The following TSPAN8 variants were observed in gnomAD, a reference collection of about 807,000 sequenced individuals.
The protein encoded by TSPAN8 is tetraspanin-8.
Under a neutral mutation model 32.8 loss-of-function variants are expected in TSPAN8, and 21 were observed. That is an observed-to-expected ratio of 0.64 (90% confidence interval 0.45 to 0.92). The LOEUF is 0.92. TSPAN8 is among the 40% of genes least tolerant of loss of function. The pLI is 0.00. For synonymous variants in TSPAN8, 95 were observed against 94.6 expected (o/e 1.00, Z -0.03); for missense variants, 269 against 281.9 (o/e 0.95, Z 0.33).
intron 2 of TSPAN8, among the ~76,000 whole-genome samples, chr12:71,151,675 T>C (rs1872259999): frequency 1.3e-5 from 2 of 152,134 alleles, no homozygotes; most frequent in Admixed American, 6.5e-5. Flanking sequence ...CTGGGAAAAA[T>C]ACAAATGACA....
At chr12:71,136,673 CA>C (rs2137050554) in intron 6 of TSPAN8, among the ~76,000 whole-genome samples, 1 of 152,238 alleles carries the variant, frequency 6.6e-6, no homozygotes, top group East Asian at 1.9e-4. Flanking sequence ...AGAAGACCTT[CA>C]ATGCCTACCC....
In TSPAN8 at chr12:71,142,207, C is replaced by T. The variant is rs1871923564; in HGVS notation, c.123+1944G>A. Among the ~76,000 whole-genome samples the T allele has an allele frequency of 2.0e-5, 3 of 152,272 alleles. No homozygotes were observed. The East Asian group carries it at 5.8e-4, about 29-fold the overall frequency. On this transcript the variant is annotated intron_variant, in intron 3 of 8. Transcript: ENST00000247829. Reference sequence around the variant, plus strand: ...CTGGTTAATGTTGTCCTGGCAGACACTGGCTTTTGTTCAGTGTGAGAGGCT... The same window carrying T: ...CTGGTTAATGTTGTCCTGGCAGACATTGGCTTTTGTTCAGTGTGAGAGGCT...
At chr12:71,139,372 G>T in intron 4 of TSPAN8, 1 of 459,882 alleles carries the variant, frequency 2.2e-6, no homozygotes, top group Non-Finnish European at 4.0e-6. Context: ...TCCCACTGTA[G>T]CTATTTGCTT....
At chr12:71,134,527 G>GT (rs1345994475) in intron 6 of TSPAN8, among the ~76,000 whole-genome samples, 7 of 152,192 alleles carry the variant, frequency 4.6e-5, no homozygotes, top group Admixed American at 2.0e-4. Context: ...CTCAACAGAT[G>GT]TTTATATGAC....
Position 71,132,749 on chromosome 12 carries a change from A to G in TSPAN8, c.520T>C (p.Cys174Arg). ...TGGCATGGTCTCTGCTTATCTAGAC[A>G]GGCACATAATTCAGGATAGTGTTGA... ...NFQHYPELCA[C>R]LDKQRPCQSY... The change falls in exon 7 of 9, where the codon TGT becomes CGT. Residue 174 changes from cysteine (C) to arginine (R), a missense_variant. By Grantham distance (180) the Cys-to-Arg change is radical (BLOSUM62 -3). Transcript: ENST00000247829. The G allele has an allele frequency of 6.2e-7, 1 of 1,614,004 alleles. No individual in the cohort carries two copies. The highest frequency in any genetic ancestry group is 8.5e-7 in the Non-Finnish European group (1 of 1,179,972).
At chr12:71,128,515 G>A (rs780020587) in intron 8 of TSPAN8, among the ~76,000 whole-genome samples, 2 of 152,272 alleles carry the variant, frequency 1.3e-5, no homozygotes, top group African/African-American at 2.4e-5. Context: ...AGGATTGTGA[G>A]TGAATTTGAT....
At position 71,129,411 on chromosome 12, in the gene TSPAN8, A is replaced by G. The variant is rs1231123389; in HGVS notation, c.580T>C (p.Cys194Arg). 10 of 1,553,470 alleles carry G rather than the reference A, an allele frequency of 6.4e-6. No homozygotes were observed. The highest frequency in any genetic ancestry group is 2.3e-5 in the East Asian group (1 of 43,696). Reference protein sequence around the residue: ...YNGKQVYKETCISFIKDFLAK... With the variant: ...YNGKQVYKETRISFIKDFLAK... ...AAGAAGTCTTTTATGAAAGAAATACAGGTCTGTTAAAAAAAAAAAACATTA... is the reference window on the plus strand; with the variant it reads ...AAGAAGTCTTTTATGAAAGAAATACGGGTCTGTTAAAAAAAAAAAACATTA... The change falls in exon 8 of 9, where the codon TGT becomes CGT. Residue 194 changes from cysteine to arginine, a missense_variant. By Grantham distance (180) the Cys-to-Arg change is radical. Transcript: ENST00000247829.
At chr12:71,151,282 C>G (rs1206416294) in intron 2 of TSPAN8, among the ~76,000 whole-genome samples, 1 of 152,144 alleles carries the variant, frequency 6.6e-6, no homozygotes, top group African/African-American at 2.4e-5. Flanking sequence ...CCGGGATGGT[C>G]TCGATCTCCT....
At chr12:71,138,128 C>T (rs1371571660) in intron 5 of TSPAN8, 28 bp downstream of exon 5, 2 of 1,610,904 alleles carry the variant, frequency 1.2e-6, no homozygotes, top group South Asian at 2.2e-5. Context: ...CAAACTTCTT[C>T]AAAATTTTCA....
chr12:71,149,324 C>T (rs145860080), intron 2 of TSPAN8, among the ~76,000 whole-genome samples: 18 of 150,518 alleles, frequency 1.2e-4, no homozygotes, highest in South Asian at 4.2e-4. Flanking sequence ...GCTAAGATCA[C>T]GCCATTGCAC....
chr12:71,139,204 A>G (rs1221333862), intron 4 of TSPAN8: 3 of 457,004 alleles, frequency 6.6e-6, no homozygotes, highest in African/African-American at 4.0e-5. Context: ...GTCTCCTGCC[A>G]TACCCAAGGC....
rs1195442220 is a variant in TSPAN8 at position 71,137,870 on chromosome 12, A to G, written c.444+83T>C. On this transcript the variant is annotated intron_variant, in intron 6 of 8. Coordinates refer to ENST00000247829, the MANE Select transcript of TSPAN8 (RefSeq NM_004616.3). Reference sequence around the variant, plus strand: ...ATCTGCAAAATGGAGACATTTTTCAATCTTTAAGGAAGATGTTAAAAACTA... The same window carrying G: ...ATCTGCAAAATGGAGACATTTTTCAGTCTTTAAGGAAGATGTTAAAAACTA... 13 of 1,271,312 alleles carry G rather than the reference A, an allele frequency of 1.0e-5. No homozygotes were observed. The South Asian group carries it at 1.0e-4, about 10-fold the overall frequency. 78.8% of individuals were successfully genotyped at this position (1,271,312 alleles called of 1,614,324 possible).
intron 7 of TSPAN8, 90 bp downstream of exon 7, chr12:71,132,603 C>G: frequency 1.4e-6 from 2 of 1,409,872 alleles, no homozygotes; most frequent in South Asian, 2.6e-5. Context: ...TCCCATGGTA[C>G]TCCATGCATT....
intron 6 of TSPAN8, among the ~76,000 whole-genome samples, chr12:71,134,946 G>A (rs1871632614): frequency 6.6e-6 from 1 of 152,150 alleles, no homozygotes; most frequent in South Asian, 2.1e-4. Flanking sequence ...AAGGCAGTAG[G>A]CACTAATGAT....
At chr12:71,144,343 A>G in intron 2 of TSPAN8, 130 bp from the exon 3 acceptor site, 2 of 687,312 alleles carry the variant, frequency 2.9e-6, no homozygotes, top group African/African-American at 1.8e-5. Context: ...GAAGACATAA[A>G]TGAGGCATAT....
intron 2 of TSPAN8, among the ~76,000 whole-genome samples, chr12:71,145,412 T>A (rs1872042684): frequency 6.6e-6 from 1 of 152,072 alleles, no homozygotes; most frequent in African/African-American, 2.4e-5. Flanking sequence ...TACAACATAC[T>A]TCAGCTCCTA....
intron 6 of TSPAN8, among the ~76,000 whole-genome samples, chr12:71,133,287 A>G: frequency 6.6e-6 from 1 of 152,040 alleles, no homozygotes; most frequent in East Asian, 1.9e-4. Context: ...GCGTTTTACC[A>G]TGTTGGCCAG....
chr12:71,140,330 C>A (rs1397784642), intron 3 of TSPAN8, among the ~76,000 whole-genome samples: 1 of 152,018 alleles, frequency 6.6e-6, no homozygotes, highest in African/African-American at 2.4e-5. Context: ...TGTATGATTC[C>A]ATTTCTATAA....
Position 71,139,723 on chromosome 12 carries a change from G to T in TSPAN8, c.249C>A (p.Cys83Ter), listed in dbSNP as rs1731863461. 3.7e-6 allele frequency: 6 copies of T among 1,613,656 alleles called. No homozygotes were observed. The highest frequency in any genetic ancestry group is 5.1e-6 in the Non-Finnish European group (6 of 1,179,746). Residue 83 changes from cysteine to a stop codon, truncating the protein, a stop_gained, in exon 4 of 9, where the codon TGC (cysteine) becomes TGA (stop). Coordinates refer to ENST00000247829, the MANE Select transcript of TSPAN8 (RefSeq NM_004616.3). LOFTEE classifies it high-confidence loss of function. ...TTGGAGAACTCACCAACAGAAGCAT[G>T]CAGCGACTTTCTTTTATAGCACCGC... ...GCCGAIKESR[C>*]MLLLFFIGLL...
Sources: allele counts gnomAD v4.1 joint callset (sites outside exome capture counted in the v4.1 genomes callset), GRCh38; gene constraint gnomAD v4.1.1; transcripts MANE v1.5; gene names NCBI Gene and HGNC (gene_info 2026-07-23, HGNC 2026-07-21).